Variants in PDGFRL observed in about 807,000 individuals in gnomAD.
PDGFRL encodes platelet-derived growth factor receptor-like protein.
PDGFRL carries 46 observed loss-of-function variants against 37.2 expected under a neutral mutation model. That is an observed-to-expected ratio of 1.24 (90% CI 0.98 to 1.58). The LOEUF is 1.58. Ranked by LOEUF, PDGFRL falls within the 40% of genes most tolerant of loss-of-function variation. The pLI, the probability that PDGFRL is intolerant of heterozygous loss-of-function variation, is 0.00. For synonymous variants in PDGFRL, 251 were observed against 184.3 expected (o/e 1.36, Z -2.93); for missense variants, 692 against 467.6 (o/e 1.48, Z -4.43).
chr8:17,582,408 C>A (rs181955371), intron 1 of PDGFRL, among the ~76,000 whole-genome samples: 251 of 151,952 alleles, frequency 1.7e-3, no homozygotes, highest in African/African-American at 5.6e-3. Flanking sequence ...ATGGTGAAAC[C>A]CTGTCTCTAT....
In PDGFRL at chr8:17,602,724, G is replaced by A. The variant is rs370758873; in HGVS notation, c.353+12959G>A. ...AGAGCGTAACTGCAGGATGCTCTTG[G>A]AGTTCTGGTCTACTCTGCGATGCTT... On this transcript the variant is annotated intron_variant, in intron 2 of 5. Coordinates refer to ENST00000251630, the MANE Select transcript of PDGFRL (RefSeq NM_001372073.1). Among the ~76,000 whole-genome samples the A allele has an allele frequency of 1.0e-3, 158 of 152,112 alleles. 1 individual carries two copies. Among genetic ancestry groups the A allele is most frequent in the African/African-American group, 3.7e-3 (152 of 41,508 alleles).
rs756044950 is a variant in PDGFRL, at chr8:17,634,084, C to G, written c.810C>G (p.Gly270=). ...CGTGCTTGCTTCCAGTTCCCAGTGG[C>G]CCTCCCTCAACAACCATCTTGGCTT... ...YQLLYVAVPS[G]PPSTTILASS... The change falls in exon 5 of 6, where the codon GGC becomes GGG. Residue 270 remains glycine, a synonymous_variant. Transcript: ENST00000251630. 6.2e-7 allele frequency: 1 copy of G among 1,613,882 alleles called. No homozygotes were observed. The highest frequency in any genetic ancestry group is 1.3e-5 in the African/African-American group (1 of 74,924).
chr8:17,621,082 A>C lies in PDGFRL; in HGVS notation c.385A>C (p.Thr129Pro), dbSNP rs1473886693. ...VKQNERYGQL[T>P]LVNSTSADTG... ...GCAGAATGAGCGCTACGGCCAGTTG[A>C]CTCTGGTCAACTCCACCTCGGCAGA... Residue 129 changes from threonine (T) to proline (P), a missense_variant, in exon 3 of 6, where the codon ACT becomes CCT. Transcript: ENST00000251630. 6.2e-7 allele frequency: 1 copy of C among 1,610,152 alleles called. No individual in the cohort carries two copies. The highest frequency in any genetic ancestry group is 8.5e-7 in the Non-Finnish European group (1 of 1,177,638).
chr8:17,606,480 C>G (rs1306541115), intron 2 of PDGFRL, among the ~76,000 whole-genome samples: 1 of 152,174 alleles, frequency 6.6e-6, no homozygotes, highest in African/African-American at 2.4e-5. Flanking sequence ...CTAATACTTG[C>G]CTTCAAATGG....
chr8:17,581,647 G>C (rs1047442325), intron 1 of PDGFRL, among the ~76,000 whole-genome samples: 14 of 152,198 alleles, frequency 9.2e-5, no homozygotes, highest in African/African-American at 3.1e-4. Context: ...AGAACTGCTT[G>C]TTAAAGAGAG....
chr8:17,599,425 A>C lies in PDGFRL; in HGVS notation c.353+9660A>C, dbSNP rs2588136. ...CTATTCCTGAGTTACTTTACTTAGA[A>C]TAATAGTCTCCAATTCTGGGCTCTG... On this transcript the variant is annotated intron_variant, in intron 2 of 5. Transcript: ENST00000251630. 2.8e-3 allele frequency among the ~76,000 whole-genome samples: 430 copies of C among 152,310 alleles called. 5 individuals are homozygous for C. Among genetic ancestry groups the C allele is most frequent in the African/African-American group, 9.9e-3 (410 of 41,558 alleles).
chr8:17,631,338 C>G (rs1397612672), intron 4 of PDGFRL, among the ~76,000 whole-genome samples: 1 of 152,144 alleles, frequency 6.6e-6, no homozygotes, highest in East Asian at 1.9e-4. Context: ...TGGGCAGAGT[C>G]CATCCCCTGC....
chr8:17,594,553 T>G (rs1427462829), intron 2 of PDGFRL, among the ~76,000 whole-genome samples: 4 of 147,506 alleles, frequency 2.7e-5, no homozygotes, highest in Admixed American at 2.7e-4. Flanking sequence ...ATACTACATT[T>G]ATTTTGTTTG....
upstream of PDGFRL, chr8:17,577,173 C>T: frequency 2.6e-6 from 4 of 1,554,944 alleles, no homozygotes; most frequent in East Asian, 2.4e-5. Flanking sequence ...CAGGAGCCCG[C>T]CCCTCGCCCG....
intron 1 of PDGFRL, among the ~76,000 whole-genome samples, chr8:17,583,037 G>T (rs1268620752): frequency 6.6e-6 from 1 of 152,140 alleles, no homozygotes; most frequent in Non-Finnish European, 1.5e-5. Flanking sequence ...AGAACAGAGA[G>T]GTTGCTCCAG....
intron 1 of PDGFRL, among the ~76,000 whole-genome samples, chr8:17,589,191 A>G (rs1803878292): frequency 6.6e-6 from 1 of 152,088 alleles, no homozygotes. Flanking sequence ...CAGCCTGACC[A>G]ACGTGCTGAG....
intron 1 of PDGFRL, among the ~76,000 whole-genome samples, chr8:17,580,929 C>T (rs1374409618): frequency 1.4e-5 from 2 of 148,040 alleles, no homozygotes; most frequent in Non-Finnish European, 1.5e-5. Flanking sequence ...ATCTTCTCCC[C>T]GTGTCTGTCT....
Position 17,589,695 on chromosome 8 carries a change from C to A in PDGFRL, c.283C>A (p.Arg95=). ...GCTGGCGGGGCAAACTGTAGAGCTT[C>A]GATGTAAAGGGAGTAGAATTGGGTG... ...SLLAGQTVEL[R]CKGSRIGWSY... The change falls in exon 2 of 6, where the codon CGA becomes AGA. Residue 95 remains arginine, a synonymous_variant. Transcript: ENST00000251630. 1 of 1,613,428 alleles carries A rather than the reference C, an allele frequency of 6.2e-7. No individual in the cohort carries two copies. Among genetic ancestry groups the A allele is most frequent in the Non-Finnish European group, 8.5e-7 (1 of 1,179,448 alleles).
At chr8:17,618,522 T>C (rs1373829852) in intron 2 of PDGFRL, among the ~76,000 whole-genome samples, 2 of 152,210 alleles carry the variant, frequency 1.3e-5, no homozygotes, top group Non-Finnish European at 2.9e-5. Flanking sequence ...TGTATGTATT[T>C]TCTTATCTAA....
At chr8:17,640,718 A>G (rs1468306691) in intron 5 of PDGFRL, among the ~76,000 whole-genome samples, 1 of 151,938 alleles carries the variant, frequency 6.6e-6, no homozygotes, top group Non-Finnish European at 1.5e-5. Context: ...CCTTAGTTGT[A>G]GTTTCGTTTA....
chr8:17,625,144 G>GCC (rs1804708408), intron 3 of PDGFRL, among the ~76,000 whole-genome samples: 1 of 130,018 alleles, frequency 7.7e-6, no homozygotes. Flanking sequence ...TCCCCCCCCC[G>GCC]CATTTTTTTG....
At chr8:17,627,358 G>T (rs993161768) in intron 3 of PDGFRL, among the ~76,000 whole-genome samples, 1 of 152,082 alleles carries the variant, frequency 6.6e-6, no homozygotes, top group Non-Finnish European at 1.5e-5. Context: ...TAAGTAATAC[G>T]TGTGTCATCT....
At chr8:17,579,544 T>TG (rs1410949014) in intron 1 of PDGFRL, among the ~76,000 whole-genome samples, 1 of 130,262 alleles carries the variant, frequency 7.7e-6, no homozygotes, top group Non-Finnish European at 1.7e-5. Context: ...TTATTATTAT[T>TG]TTATTATTAT....
At chr8:17,594,451 G>C (rs976999656) in intron 2 of PDGFRL, among the ~76,000 whole-genome samples, 5 of 151,962 alleles carry the variant, frequency 3.3e-5, no homozygotes, top group Admixed American at 2.6e-4. Flanking sequence ...ATGATGGCCA[G>C]GCTGGTCTTG....
Sources: allele counts gnomAD v4.1 joint callset (sites outside exome capture counted in the v4.1 genomes callset), GRCh38; gene constraint gnomAD v4.1.1; transcripts MANE v1.5; gene names NCBI Gene and HGNC (gene_info 2026-07-23, HGNC 2026-07-21).